SENP7: variants seen among roughly 807,000 people sequenced by gnomAD.
SENP7 encodes the protein SUMO specific peptidase 7.
SENP7 carries 64 observed loss-of-function variants against 141.2 expected under a neutral mutation model. The observed-to-expected ratio is 0.45, with a 90% confidence interval of 0.37 to 0.56. SENP7 has a LOEUF of 0.56. SENP7 is among the 20% of genes least tolerant of loss of function. SENP7 has a pLI of 0.00. For synonymous variants in SENP7, 382 were observed against 426.4 expected (o/e 0.90, Z 1.28); for missense variants, 1,025 against 1,212.2 (o/e 0.85, Z 2.29).
intron 22 of SENP7, among the ~76,000 whole-genome samples, 200 bp from the exon 23 acceptor site, chr3:101,328,016 A>G (rs974049419): frequency 1.3e-5 from 2 of 152,330 alleles, no homozygotes; most frequent in Middle Eastern, 3.4e-3. Flanking sequence ...TGATTTTCAA[A>G]GTAAAAGCTA....
intron 4 of SENP7, among the ~76,000 whole-genome samples, chr3:101,441,688 A>C (rs2062680641): frequency 1.3e-5 from 2 of 152,038 alleles, no homozygotes; most frequent in Admixed American, 1.3e-4. Flanking sequence ...ACCTGCCTGG[A>C]CCCTAACCAC....
intron 3 of SENP7, among the ~76,000 whole-genome samples, chr3:101,464,254 C>T (rs553322887): frequency 6.6e-6 from 1 of 152,264 alleles, no homozygotes; most frequent in African/African-American, 2.4e-5. Flanking sequence ...TTGAGAACTA[C>T]AAAGTAACAT....
chr3:101,376,068 A>T (rs984762091), intron 6 of SENP7, among the ~76,000 whole-genome samples: 7 of 152,230 alleles, frequency 4.6e-5, no homozygotes, highest in Non-Finnish European at 7.3e-5. Flanking sequence ...CTTTGAGGAC[A>T]TTATGCTAAG....
intron 4 of SENP7, among the ~76,000 whole-genome samples, chr3:101,418,462 G>T (rs1011721732): frequency 6.6e-6 from 1 of 152,034 alleles, no homozygotes; most frequent in Non-Finnish European, 1.5e-5. Flanking sequence ...AAAAACTATG[G>T]AATATAGTTT....
intron 4 of SENP7, among the ~76,000 whole-genome samples, chr3:101,435,798 T>C (rs2062365973): frequency 1.3e-5 from 2 of 151,968 alleles, no homozygotes; most frequent in African/African-American, 4.8e-5. Context: ...AGAAAATTAC[T>C]CCATGTTCAT....
At chr3:101,441,789 G>A (rs2062684892) in intron 4 of SENP7, among the ~76,000 whole-genome samples, 1 of 152,022 alleles carries the variant, frequency 6.6e-6, no homozygotes, top group Non-Finnish European at 1.5e-5. Flanking sequence ...GCCACCCAGG[G>A]GTCCAAAGAC....
At chr3:101,339,412 C>T (rs1196624598) in intron 16 of SENP7, among the ~76,000 whole-genome samples, 1 of 152,158 alleles carries the variant, frequency 6.6e-6, no homozygotes, top group Non-Finnish European at 1.5e-5. Context: ...TCCTGCAGCT[C>T]TGGCTATACA....
rs1417727806 is a variant in SENP7, at chr3:101,325,388, T to C, written c.*555A>G. ...GCGAATTTTTATCATCTTCCTAACA[T>C]TATGAATGTCTTTTTGTTACATACA... On this transcript the variant is annotated 3_prime_UTR_variant, in exon 24 of 24. Transcript: ENST00000394095. 1 of 152,492 alleles carries C rather than the reference T, an allele frequency of 6.6e-6. No homozygotes were observed. Among genetic ancestry groups the C allele is most frequent in the Non-Finnish European group, 1.5e-5 (1 of 68,000 alleles). The allele number at this position is 152,492 out of a possible 1,614,324, so 9.4% of individuals were successfully genotyped here.
intron 3 of SENP7, among the ~76,000 whole-genome samples, chr3:101,460,408 T>C (rs2063507352): frequency 1.3e-5 from 2 of 152,210 alleles, no homozygotes; most frequent in Admixed American, 1.3e-4. Flanking sequence ...GGACCAATAA[T>C]TGATTTTCAG....
intron 12 of SENP7, among the ~76,000 whole-genome samples, chr3:101,351,070 T>C (rs1487794803): frequency 1.3e-5 from 2 of 151,984 alleles, no homozygotes; most frequent in African/African-American, 4.8e-5. Flanking sequence ...TCTTCCTTGT[T>C]CTTTTTAGAA....
At chr3:101,410,595 C>T (rs1049782811) in intron 5 of SENP7, among the ~76,000 whole-genome samples, 1 of 152,098 alleles carries the variant, frequency 6.6e-6, no homozygotes, top group Admixed American at 6.6e-5. Flanking sequence ...GCCTGTAATC[C>T]CAGCACTTTG....
chr3:101,492,167 G>A (rs1443507238), intron 3 of SENP7, among the ~76,000 whole-genome samples: 1 of 152,092 alleles, frequency 6.6e-6, no homozygotes, highest in African/African-American at 2.4e-5. Flanking sequence ...GGAGGCTGAG[G>A]TGGGAGGTTC....
intron 4 of SENP7, among the ~76,000 whole-genome samples, chr3:101,427,705 T>C (rs2062012581): frequency 6.6e-6 from 1 of 152,070 alleles, no homozygotes; most frequent in East Asian, 1.9e-4. Context: ...TTTTTATTTA[T>C]TATTATTATA....
At chr3:101,404,802 CA>C (rs1453330814) in intron 5 of SENP7, among the ~76,000 whole-genome samples, 3 of 152,138 alleles carry the variant, frequency 2.0e-5, no homozygotes, top group Non-Finnish European at 4.4e-5. Context: ...GATACACATG[CA>C]GACAATAATC....
At chr3:101,511,811 GT>G (rs1167381685) in intron 1 of SENP7, among the ~76,000 whole-genome samples, 6 of 148,964 alleles carry the variant, frequency 4.0e-5, no homozygotes, top group Non-Finnish European at 8.9e-5. Context: ...GGTTTTTTTT[GT>G]TTTTTTTTTG....
intron 4 of SENP7, among the ~76,000 whole-genome samples, chr3:101,441,827 G>A (rs911094004): frequency 6.6e-6 from 1 of 152,112 alleles, no homozygotes; most frequent in Non-Finnish European, 1.5e-5. Flanking sequence ...GTAAAGCCTT[G>A]CCACAGTCTC....
intron 4 of SENP7, among the ~76,000 whole-genome samples, chr3:101,454,917 T>C (rs190724568): frequency 5.4e-4 from 83 of 152,356 alleles, no homozygotes; most frequent in African/African-American, 1.9e-3. Flanking sequence ...CACCAGACTG[T>C]AGTGATGGCT....
At chr3:101,333,010 T>A in intron 17 of SENP7, 148 bp from the exon 18 acceptor site, 1 of 735,332 alleles carries the variant, frequency 1.4e-6, no homozygotes, top group Non-Finnish European at 2.1e-6. Context: ...TATAAATATA[T>A]CTCCTTATAG....
chr3:101,330,311 C>T (rs1370428755), intron 20 of SENP7, 23 bp downstream of exon 20: 3 of 1,561,900 alleles, frequency 1.9e-6, no homozygotes, highest in Middle Eastern at 1.7e-4. Flanking sequence ...TCCTTCCTTC[C>T]CATCTGTAAA....
Sources: allele counts gnomAD v4.1 joint callset (sites outside exome capture counted in the v4.1 genomes callset), GRCh38; gene constraint gnomAD v4.1.1; transcripts MANE v1.5; gene names NCBI Gene and HGNC (gene_info 2026-07-23, HGNC 2026-07-21).